SLC39A14: variants seen among roughly 807,000 people sequenced by gnomAD.
The protein encoded by SLC39A14 is metal cation symporter ZIP14.
SLC39A14 carries 19 observed loss-of-function variants against 45.5 expected under a neutral mutation model. The ratio of observed to expected loss-of-function variants is 0.42; its 90% confidence interval spans 0.29 to 0.61. The LOEUF (loss-of-function observed/expected upper bound fraction) is 0.61, where lower values mean the gene tolerates loss of function less well. Ranked by LOEUF, SLC39A14 falls within the 20% of genes least tolerant of loss-of-function variation. The pLI is 0.22. For missense variants in SLC39A14, 447 were observed against 616.5 expected (o/e 0.73, Z 2.91); for synonymous variants, 264 against 251.3 (o/e 1.05, Z -0.48).
chr8:22,422,547 C>G lies in SLC39A14; in HGVS notation c.*2849C>G. The G allele has an allele frequency of 2.0e-6, 2 of 985,408 alleles. No individual in the cohort carries two copies. The highest frequency in any genetic ancestry group is 2.4e-6 in the Non-Finnish European group (2 of 829,570). The allele number at this position is 985,408 out of a possible 1,614,324, so 61.0% of individuals were successfully genotyped here. A position where few individuals can be genotyped will look rare whatever the true frequency, so the allele number is the denominator to read the frequency against. On this transcript the variant is annotated 3_prime_UTR_variant, in exon 9 of 9. Coordinates refer to ENST00000381237, the MANE Select transcript of SLC39A14 (RefSeq NM_001128431.4). ...ATTGTTCTTATTTCCCTTTACAGTT[C>G]TGCAGTTCCATCACAGTATTTTTTT...
At chr8:22,429,675 G>A (rs1341910182) in intron 8 of SLC39A14, among the ~76,000 whole-genome samples, 1 of 152,216 alleles carries the variant, frequency 6.6e-6, no homozygotes, top group African/African-American at 2.4e-5. Flanking sequence ...AAGCCCCTGT[G>A]CCCCAGGTGA....
At chr8:22,402,531 AG>A (rs1834936115) in intron 1 of SLC39A14, among the ~76,000 whole-genome samples, 1 of 152,200 alleles carries the variant, frequency 6.6e-6, no homozygotes, top group African/African-American at 2.4e-5. Context: ...ACACTTGGGG[AG>A]CCCGAGGCAG....
At chr8:22,423,340 GT>G (rs61108660), downstream of SLC39A14, among the ~76,000 whole-genome samples, 45,321 of 135,658 alleles carry the variant, frequency 0.33, 7,717 homozygotes, top group East Asian at 0.57. Flanking sequence ...TTGTTGTTTT[GT>G]TTTTTTTTTT....
chr8:22,396,313 G>A (rs1288666915), intron 1 of SLC39A14, among the ~76,000 whole-genome samples: 7 of 148,272 alleles, frequency 4.7e-5, no homozygotes, highest in African/African-American at 1.7e-4. Flanking sequence ...GTTACGGTGA[G>A]CCGAGATCAC....
chr8:22,397,662 G>A (rs1200994125), intron 1 of SLC39A14, among the ~76,000 whole-genome samples: 1 of 152,140 alleles, frequency 6.6e-6, no homozygotes, highest in Non-Finnish European at 1.5e-5. Context: ...ACTTGTCAGG[G>A]TTTTTCCCTA....
At position 22,416,328 on chromosome 8, in the gene SLC39A14, T is replaced by C. The variant is rs537995304; in HGVS notation, c.1147+48T>C. 7 of 1,529,420 alleles carry C rather than the reference T, an allele frequency of 4.6e-6. No homozygotes were observed. In the South Asian group the frequency reaches 7.9e-5, roughly 17 times the overall value. The allele number at this position is 1,529,420 out of a possible 1,614,324, so 94.7% of individuals were successfully genotyped here. On this transcript the variant is annotated intron_variant, in intron 7 of 8. Coordinates refer to ENST00000381237, the MANE Select transcript of SLC39A14 (RefSeq NM_001128431.4). ...ACTGGTGCTCCCTTGGGTGGTGGTG[T>C]AGGCCCCCTTCCTGTGGCCGGTTCC... is the stretch of plus-strand genomic sequence containing the variant.
rs778041310 is a variant in SLC39A14 at position 22,376,334 on chromosome 8, ATTTTTT to A, written c.-16+8941_-16+8946del. Among the ~76,000 whole-genome samples, 123 of 122,428 alleles carry A rather than the reference ATTTTTT, an allele frequency of 1.0e-3. 1 individual carries two copies. Among genetic ancestry groups the A allele is most frequent in the African/African-American group, 2.8e-3 (92 of 32,494 alleles). 80.3% of individuals were successfully genotyped at this position (122,428 alleles called of 152,430 possible). ...TTACAGGCATGAGCCACCACACCTA[ATTTTTT>A]TTTTTTTTTTTTTTGTATTTTCAGT... On this transcript the variant is annotated intron_variant, in intron 1 of 8. Coordinates refer to ENST00000381237, the MANE Select transcript of SLC39A14 (RefSeq NM_001128431.4).
At chr8:22,428,414 A>AG (rs1318974331) in intron 8 of SLC39A14, among the ~76,000 whole-genome samples, 1 of 151,708 alleles carries the variant, frequency 6.6e-6, no homozygotes, top group African/African-American at 2.4e-5. Context: ...TTAGTAGAAA[A>AG]ATTTTGTGTT....
At chr8:22,415,073 C>T in intron 5 of SLC39A14, 171 bp downstream of exon 5, 1 of 782,342 alleles carries the variant, frequency 1.3e-6, no homozygotes, top group Non-Finnish European at 2.0e-6. Flanking sequence ...GATATTTGGC[C>T]AGAAGTGAGG....
intron 8 of SLC39A14, among the ~76,000 whole-genome samples, chr8:22,431,740 G>C (rs1011680540): frequency 2.6e-5 from 4 of 152,138 alleles, no homozygotes; most frequent in Non-Finnish European, 5.9e-5. Flanking sequence ...AAAAAGTGGG[G>C]GGATACAAAA....
At chr8:22,381,344 C>G (rs560565950) in intron 1 of SLC39A14, among the ~76,000 whole-genome samples, 4 of 151,844 alleles carry the variant, frequency 2.6e-5, no homozygotes, top group African/African-American at 9.7e-5. Context: ...GGGCTAGGCT[C>G]ACGGCAAGCT....
chr8:22,413,826 G>T (rs938021713), intron 4 of SLC39A14, among the ~76,000 whole-genome samples: 1 of 152,196 alleles, frequency 6.6e-6, no homozygotes, highest in Admixed American at 6.5e-5. Flanking sequence ...CCAGACTGGA[G>T]TGCAGTGGTG....
chr8:22,395,015 C>CT lies in SLC39A14; in HGVS notation c.-15-9668dup, dbSNP rs56710226. On this transcript the variant is annotated intron_variant, in intron 1 of 8. Transcript: ENST00000381237. ...TATGTTTCTCAATTTTCTTTTCTCT[C>CT]TTTTTTTTTTTTTGAGACAGAGTCT... Among the ~76,000 whole-genome samples the CT allele has an allele frequency of 7.3e-3, 1,058 of 145,232 alleles. 5 individuals are homozygous for CT. The highest frequency in any genetic ancestry group is 9.9e-3 in the Non-Finnish European group (652 of 66,000).
intron 2 of SLC39A14, among the ~76,000 whole-genome samples, chr8:22,407,553 G>C (rs1019084215): frequency 6.6e-6 from 1 of 151,966 alleles, no homozygotes; most frequent in South Asian, 2.1e-4. Context: ...TAGAGATGGG[G>C]CTTCAACATG....
chr8:22,412,301 G>A, intron 4 of SLC39A14, 95 bp downstream of exon 4: 1 of 1,316,260 alleles, frequency 7.6e-7, no homozygotes, highest in South Asian at 1.5e-5. Context: ...GCACCTGGAG[G>A]CCCTTTCCTT....
intron 1 of SLC39A14, chr8:22,393,229 C>G (rs1257198516): frequency 1.0e-6 from 1 of 985,674 alleles, no homozygotes; most frequent in East Asian, 1.1e-4. Flanking sequence ...TGCATCCTTT[C>G]AGGGTATGGA....
chr8:22,425,630 G>T (rs1836371182), downstream of SLC39A14, among the ~76,000 whole-genome samples: 1 of 151,746 alleles, frequency 6.6e-6, no homozygotes, highest in Admixed American at 6.6e-5. Flanking sequence ...AGAACTGCCA[G>T]CCAAAAAACA....
At chr8:22,378,722 CA>C (rs2132182318) in intron 1 of SLC39A14, among the ~76,000 whole-genome samples, 1 of 152,316 alleles carries the variant, frequency 6.6e-6, no homozygotes, top group African/African-American at 2.4e-5. Context: ...CAAATACCTG[CA>C]GGCTCACTTT....
At chr8:22,418,356 G>T (rs901811040) in intron 8 of SLC39A14, among the ~76,000 whole-genome samples, 5 of 152,126 alleles carry the variant, frequency 3.3e-5, no homozygotes, top group African/African-American at 1.2e-4. Flanking sequence ...TGTCATTAAA[G>T]AAAATGATTA....
Sources: allele counts gnomAD v4.1 joint callset (sites outside exome capture counted in the v4.1 genomes callset), GRCh38; gene constraint gnomAD v4.1.1; transcripts MANE v1.5; gene names NCBI Gene and HGNC (gene_info 2026-07-23, HGNC 2026-07-21).